SLC25A51: variants seen among roughly 807,000 people sequenced by gnomAD.
SLC25A51 encodes mitochondrial nicotinamide adenine dinucleotide transporter SLC25A51.
In SLC25A51, 11 loss-of-function variants were observed where a neutral mutation model predicts 19.1. The ratio of observed to expected loss-of-function variants is 0.58; its 90% CI spans 0.36 to 0.96. The LOEUF (loss-of-function observed/expected upper bound fraction) is 0.96, where lower values mean the gene tolerates loss of function less well. SLC25A51 is among the 40% of genes least tolerant of loss of function. SLC25A51 has a pLI of 0.01. For missense variants in SLC25A51, 201 were observed against 365.4 expected, an observed-to-expected ratio of 0.55 and a Z score of 3.67; for synonymous variants, 105 against 133.6, an observed-to-expected ratio of 0.79 and a Z score of 1.47.
chr9:37,885,353 A>C (rs58091504), downstream of SLC25A51, among the ~76,000 whole-genome samples: 72 of 136,732 alleles, frequency 5.3e-4, no homozygotes, highest in Non-Finnish European at 1.0e-3. Flanking sequence ...AAAAAAAAAA[A>C]AAAAAAAAAA....
exon 4 of SLC25A51, chr9:37,880,547 T>A (rs994202077): frequency 6.6e-6 from 1 of 152,020 alleles, no homozygotes; most frequent in African/African-American, 2.4e-5. Context: ...GGTTAGGAGT[T>A]TGAGACCAGC....
intron 2 of SLC25A51, among the ~76,000 whole-genome samples, chr9:37,893,343 T>C (rs1454715291): frequency 6.6e-6 from 1 of 152,280 alleles, no homozygotes; most frequent in East Asian, 1.9e-4. Flanking sequence ...TGAGCTGCTT[T>C]GCTGTCATGT....
chr9:37,892,050 G>A (rs1382975183), intron 2 of SLC25A51, among the ~76,000 whole-genome samples: 1 of 152,096 alleles, frequency 6.6e-6, no homozygotes, highest in African/African-American at 2.4e-5. Context: ...AAATAAAGAA[G>A]TGTTTAAGGT....
At chr9:37,903,113 G>A (rs1831891492) in intron 1 of SLC25A51, among the ~76,000 whole-genome samples, 1 of 152,168 alleles carries the variant, frequency 6.6e-6, no homozygotes, top group African/African-American at 2.4e-5. Context: ...CCTGAGATGC[G>A]CTAAGGGTGA....
At chr9:37,903,863 G>A (rs1831912202) in intron 1 of SLC25A51, 2 of 152,292 alleles carry the variant, frequency 1.3e-5, no homozygotes, top group Admixed American at 1.3e-4. Flanking sequence ...GGGGAGCCCG[G>A]AGCCGAGGAG....
intron 2 of SLC25A51, among the ~76,000 whole-genome samples, chr9:37,882,432 T>C (rs566677919): frequency 3.3e-5 from 5 of 152,328 alleles, no homozygotes; most frequent in Admixed American, 2.6e-4. Context: ...ATACTGAGCA[T>C]TACATTGTAA....
At chr9:37,887,250 G>A (rs1196150765), downstream of SLC25A51, among the ~76,000 whole-genome samples, 1 of 151,704 alleles carries the variant, frequency 6.6e-6, no homozygotes, top group Non-Finnish European at 1.5e-5. Context: ...CCTGGAGGCG[G>A]AGGTTGCAGT....
downstream of SLC25A51, chr9:37,885,834 C>T (rs1831442345): frequency 1.9e-6 from 3 of 1,605,456 alleles, no homozygotes; most frequent in Non-Finnish European, 2.6e-6. Flanking sequence ...TCGCATGGGC[C>T]TACTTTACAT....
chr9:37,889,619 C>T (rs1199464358), intron 2 of SLC25A51, among the ~76,000 whole-genome samples: 1 of 151,496 alleles, frequency 6.6e-6, no homozygotes, highest in Non-Finnish European at 1.5e-5. Context: ...CAGCTAGTAA[C>T]TGGTGGGGTC....
At chr9:37,878,740 G>A (rs1265214716), downstream of SLC25A51, 1 of 159,072 alleles carries the variant, frequency 6.3e-6, no homozygotes, top group Non-Finnish European at 1.4e-5. Context: ...ATGACTCCTA[G>A]AGACACTCAC....
At chr9:37,903,748 G>C (rs1334311100) in intron 1 of SLC25A51, 1 of 152,228 alleles carries the variant, frequency 6.6e-6, no homozygotes, top group African/African-American at 2.4e-5. Flanking sequence ...TGCGGTTCCT[G>C]TGCACCAGGG....
In SLC25A51 at chr9:37,888,413, T is replaced by C; in HGVS notation, c.138A>G (p.Ala46=). ...CGCCAAFNNV[A]ITFPIQKVLF... ...GGACCTTCTGAATGGGAAATGTGAT[T>C]GCGACATTGTTGAAGGCTGCACAGC... The change falls in exon 3 of 3, where the codon GCA becomes GCG. Residue 46 remains alanine, a synonymous_variant. Coordinates refer to ENST00000242275, the MANE Select transcript of SLC25A51 (RefSeq NM_033412.4). 1.2e-6 allele frequency: 2 copies of C among 1,614,256 alleles called. No individual in the cohort carries two copies. The highest frequency in any genetic ancestry group is 1.7e-6 in the Non-Finnish European group (2 of 1,180,032).
chr9:37,900,320 G>A (rs888228141), intron 1 of SLC25A51, among the ~76,000 whole-genome samples: 1 of 151,896 alleles, frequency 6.6e-6, no homozygotes, highest in Non-Finnish European at 1.5e-5. Flanking sequence ...ATCGTGGCAC[G>A]CACCTGTAGT....
intron 1 of SLC25A51, among the ~76,000 whole-genome samples, chr9:37,901,734 CAG>C (rs1391224894): frequency 6.6e-6 from 1 of 152,138 alleles, no homozygotes; most frequent in Non-Finnish European, 1.5e-5. Context: ...TCTTAATGTA[CAG>C]AGTTTTGGGG....
intron 2 of SLC25A51, among the ~76,000 whole-genome samples, chr9:37,893,293 G>A (rs1405285201): frequency 6.6e-6 from 1 of 152,164 alleles, no homozygotes; most frequent in Non-Finnish European, 1.5e-5. Context: ...AGAAAATGTA[G>A]ACATCTGTAC....
At chr9:37,891,137 A>G (rs1831574166) in intron 2 of SLC25A51, among the ~76,000 whole-genome samples, 1 of 152,224 alleles carries the variant, frequency 6.6e-6, no homozygotes, top group Admixed American at 6.5e-5. Context: ...ACACAACCAT[A>G]ATTTTCCTTC....
At chr9:37,892,610 T>C (rs899778038) in intron 2 of SLC25A51, among the ~76,000 whole-genome samples, 10 of 152,052 alleles carry the variant, frequency 6.6e-5, no homozygotes, top group Non-Finnish European at 1.5e-4. Flanking sequence ...TGTCTCACTG[T>C]TGCCCAGGCT....
chr9:37,884,398 T>C (rs1173384267), downstream of SLC25A51, among the ~76,000 whole-genome samples: 3 of 152,240 alleles, frequency 2.0e-5, no homozygotes, highest in East Asian at 3.8e-4. Context: ...TCTCAAACTA[T>C]CTTATTGTTT....
rs759126015 is a variant in SLC25A51, at chr9:37,887,674, A to G, written c.877T>C (p.Leu293=). 4.3e-6 allele frequency: 7 copies of G among 1,610,614 alleles called. No homozygotes were observed. The South Asian group carries it at 6.6e-5, about 15-fold the overall frequency. Residue 293 remains leucine (L), a synonymous_variant, in exon 3 of 3, where the codon TTG becomes CTG. Transcript: ENST00000242275. ...TGGTTTTTTCATATAACCTTTAACA[A>G]GAACTCATAAGTTGCATTGATTATG... ...WGIINATYEF[L]LKVI is the part of the protein sequence containing the mutation.
Sources: allele counts gnomAD v4.1 joint callset (sites outside exome capture counted in the v4.1 genomes callset), GRCh38; gene constraint gnomAD v4.1.1; transcripts MANE v1.5; gene names NCBI Gene and HGNC (gene_info 2026-07-23, HGNC 2026-07-21).